Variants in TENM4 observed in about 807,000 individuals in gnomAD.
TENM4 encodes the protein teneurin-4.
In TENM4, 82 loss-of-function variants were observed where a neutral mutation model predicts 243.3. That is an observed-to-expected ratio of 0.34 (90% CI 0.28 to 0.40). The LOEUF is 0.40. Ranked by LOEUF, TENM4 falls within the 10% of genes least tolerant of loss-of-function variation. The probability of loss-of-function intolerance (pLI) is 1.00; values close to 1 mark genes in which losing one functional copy is unlikely to be tolerated. For missense variants in TENM4, 3,138 were observed against 3,673.3 expected (o/e 0.85, Z 3.77); for synonymous variants, 1,412 against 1,456.3 (o/e 0.97, Z 0.69).
intron 18 of TENM4, among the ~76,000 whole-genome samples, chr11:78,764,777 C>T (rs1856508046): frequency 1.3e-5 from 2 of 152,144 alleles, no homozygotes; most frequent in Non-Finnish European, 2.9e-5. Flanking sequence ...TGTAGTGGGG[C>T]AGACAGAGAC....
At chr11:78,971,450 G>A (rs1276756521) in intron 6 of TENM4, among the ~76,000 whole-genome samples, 3 of 151,852 alleles carry the variant, frequency 2.0e-5, no homozygotes, top group African/African-American at 4.8e-5. Flanking sequence ...CTATAGGCAC[G>A]CGCCACCATG....
intron 6 of TENM4, among the ~76,000 whole-genome samples, chr11:79,026,137 C>T (rs1277299605): frequency 6.6e-6 from 1 of 152,188 alleles, no homozygotes; most frequent in Non-Finnish European, 1.5e-5. Context: ...GCAAATGTCC[C>T]AGTTCTGAAA....
chr11:79,288,215 A>C (rs1276384485), intron 2 of TENM4, among the ~76,000 whole-genome samples: 1 of 152,198 alleles, frequency 6.6e-6, no homozygotes, highest in African/African-American at 2.4e-5. Context: ...CCAGCCCTTT[A>C]CTTGGCTTCA....
chr11:79,323,302 G>A (rs1856921494), intron 1 of TENM4, among the ~76,000 whole-genome samples: 1 of 152,174 alleles, frequency 6.6e-6, no homozygotes, highest in African/African-American at 2.4e-5. Context: ...CTGGATGAAA[G>A]GACAGGTGAA....
chr11:78,719,793 G>A (rs906726355), intron 25 of TENM4, among the ~76,000 whole-genome samples: 13 of 152,160 alleles, frequency 8.5e-5, no homozygotes, highest in Non-Finnish European at 1.8e-4. Context: ...ACTGCATGTC[G>A]CTGTGAGTCT....
chr11:78,865,995 A>G (rs1858965205), intron 9 of TENM4, among the ~76,000 whole-genome samples: 1 of 152,216 alleles, frequency 6.6e-6, no homozygotes, highest in Non-Finnish European at 1.5e-5. Flanking sequence ...TGTACTGTTG[A>G]TGATAATGAA....
chr11:78,845,963 G>A (rs1483468276), intron 12 of TENM4, among the ~76,000 whole-genome samples: 4 of 152,150 alleles, frequency 2.6e-5, no homozygotes, highest in Admixed American at 6.5e-5. Flanking sequence ...CTGCAGGCAC[G>A]TGGCCAGCAC....
chr11:78,847,757 A>C (rs1858433513), intron 12 of TENM4, among the ~76,000 whole-genome samples: 1 of 152,222 alleles, frequency 6.6e-6, no homozygotes, highest in Non-Finnish European at 1.5e-5. Context: ...AATTCAGAGG[A>C]AGGGGACATA....
In TENM4 at chr11:79,280,639, G is replaced by T. The variant is rs1417094872; in HGVS notation, c.-265+16849C>A. Among the ~76,000 whole-genome samples the T allele has an allele frequency of 2.6e-5, 4 of 152,206 alleles. No individual in the cohort carries two copies. The East Asian group carries it at 7.7e-4, about 29-fold the overall frequency. Reference sequence around the variant, plus strand: ...GTGATTCCCATCTCTCCGTGTCCCTGCCTCCAAGCCTGTGGCTCCTGTAGT... The same window carrying T: ...GTGATTCCCATCTCTCCGTGTCCCTTCCTCCAAGCCTGTGGCTCCTGTAGT... On this transcript the variant is annotated intron_variant, in intron 2 of 33. Coordinates refer to ENST00000278550, the MANE Select transcript of TENM4 (RefSeq NM_001098816.3).
At chr11:79,215,183 C>T (rs975386991) in intron 3 of TENM4, among the ~76,000 whole-genome samples, 3 of 152,192 alleles carry the variant, frequency 2.0e-5, no homozygotes, top group South Asian at 2.1e-4. Flanking sequence ...TGTTCCTCCT[C>T]TAGCTTGAAA....
chr11:79,021,437 T>C (rs894820759), intron 6 of TENM4: 1 of 151,906 alleles, frequency 6.6e-6, no homozygotes, highest in African/African-American at 2.4e-5. Flanking sequence ...AGTGGGGATG[T>C]GAGATAGGGA....
chr11:78,801,243 C>T (rs910235298), intron 15 of TENM4, among the ~76,000 whole-genome samples: 15 of 152,148 alleles, frequency 9.9e-5, no homozygotes, highest in African/African-American at 3.6e-4. Context: ...TCTTTTCTAT[C>T]TGTTTAACAG....
intron 7 of TENM4, among the ~76,000 whole-genome samples, chr11:78,897,191 C>T (rs997907427): frequency 3.3e-5 from 5 of 152,174 alleles, no homozygotes; most frequent in Non-Finnish European, 7.4e-5. Context: ...ACATTTCACA[C>T]GTTGTCACAA....
At chr11:79,004,941 C>CAAAAAAAA (rs58631195) in intron 6 of TENM4, among the ~76,000 whole-genome samples, 4 of 87,802 alleles carry the variant, frequency 4.6e-5, no homozygotes, top group Non-Finnish European at 9.5e-5. Flanking sequence ...ATAGAAATAC[C>CAAAAAAAA]AAAAAAAAAA....
At chr11:79,413,783 ACAT>A (rs901543545) in intron 1 of TENM4, among the ~76,000 whole-genome samples, 3 of 152,216 alleles carry the variant, frequency 2.0e-5, no homozygotes, top group African/African-American at 4.8e-5. Flanking sequence ...TTAGGAATAA[ACAT>A]CATATTGTGG....
chr11:79,286,499 CA>C (rs59227835), intron 2 of TENM4, among the ~76,000 whole-genome samples: 53,719 of 126,102 alleles, frequency 0.43, 10,675 homozygotes, highest in African/African-American at 0.49. Context: ...CTAAAAAATC[CA>C]AAAAAAAAAA....
chr11:78,965,667 C>T (rs993748714), intron 6 of TENM4, among the ~76,000 whole-genome samples: 4 of 152,212 alleles, frequency 2.6e-5, no homozygotes, highest in African/African-American at 7.2e-5. Context: ...GCACTGAGCC[C>T]TCCCAGGCCT....
chr11:79,232,684 G>A (rs1864394180), intron 2 of TENM4, among the ~76,000 whole-genome samples: 1 of 152,234 alleles, frequency 6.6e-6, no homozygotes, highest in Admixed American at 6.5e-5. Context: ...AACACAGGGA[G>A]AATATAAAGG....
chr11:79,059,863 C>G (rs951098398), intron 6 of TENM4, among the ~76,000 whole-genome samples: 6 of 152,160 alleles, frequency 3.9e-5, no homozygotes, highest in Non-Finnish European at 7.4e-5. Context: ...ACTGGGGCAA[C>G]CAGGACTTGA....
Sources: gnomAD v4.1 joint callset for allele counts (sites outside exome capture counted in the v4.1 genomes callset) on GRCh38, gnomAD v4.1.1 for gene constraint, MANE v1.5 for transcripts, NCBI Gene and HGNC (gene_info 2026-07-23, HGNC 2026-07-21) for gene names.